The following BTBD8 variants were observed in gnomAD, a reference collection of about 807,000 sequenced individuals.
BTBD8 encodes the protein BTB domain containing 8, also known as BTB/POZ domain-containing protein 8.
BTBD8 carries 110 observed loss-of-function variants against 162.9 expected under a neutral mutation model. The ratio of observed to expected loss-of-function variants is 0.68; its 90% CI spans 0.58 to 0.79. BTBD8 has a LOEUF of 0.79. Ranked by LOEUF, BTBD8 falls within the 30% of genes least tolerant of loss-of-function variation. The pLI, the probability that BTBD8 is intolerant of heterozygous loss-of-function variation, is 0.00. For synonymous variants in BTBD8, 667 were observed against 716.1 expected (o/e 0.93, Z 1.10); for missense variants, 1,905 against 2,085.4 (o/e 0.91, Z 1.68).
intron 7 of BTBD8, among the ~76,000 whole-genome samples, chr1:92,145,773 AG>A (rs1455419813): frequency 6.6e-6 from 1 of 151,970 alleles, no homozygotes; most frequent in African/African-American, 2.4e-5. Context: ...CGAGACCAGG[AG>A]TTCAAGACCA....
intron 2 of BTBD8, among the ~76,000 whole-genome samples, chr1:92,090,887 G>A (rs1274823917): frequency 2.0e-5 from 3 of 152,160 alleles, no homozygotes; most frequent in African/African-American, 7.2e-5. Flanking sequence ...AGCTGAGATT[G>A]TGCCACTGCA....
chr1:92,158,179 T>C (rs1342731154), intron 9 of BTBD8, among the ~76,000 whole-genome samples: 1 of 152,178 alleles, frequency 6.6e-6, no homozygotes, highest in African/African-American at 2.4e-5. Context: ...TCTTGTTTTT[T>C]AATCCACTTA....
chr1:92,103,792 A>G lies in BTBD8; in HGVS notation c.544+1123A>G, dbSNP rs191232981. On this transcript the variant is annotated intron_variant, in intron 3 of 17. Transcript: ENST00000636805. ...TTTCTCAATTTTTCTGGAGTAATAC[A>G]TATCTCTAGTTTCCAAGGCATGTTT... Among the ~76,000 whole-genome samples the G allele has an allele frequency of 1.2e-3, 186 of 152,334 alleles. 3 individuals are homozygous for G. The East Asian group carries it at 0.013, about 10-fold the overall frequency.
At chr1:92,103,780 C>G (rs886580608) in intron 3 of BTBD8, among the ~76,000 whole-genome samples, 3 of 152,142 alleles carry the variant, frequency 2.0e-5, no homozygotes, top group African/African-American at 7.2e-5. Flanking sequence ...CTCAATTTTT[C>G]TGGAGTAATA....
intron 1 of BTBD8, among the ~76,000 whole-genome samples, chr1:92,081,681 C>T (rs1488470723): frequency 6.6e-6 from 1 of 152,212 alleles, no homozygotes; most frequent in Admixed American, 6.5e-5. Flanking sequence ...TCAAGCCATT[C>T]TCCTGCCTCA....
At chr1:92,088,557 A>G in intron 1 of BTBD8, 141 bp from the exon 2 acceptor site, 1 of 629,746 alleles carries the variant, frequency 1.6e-6, no homozygotes, top group Non-Finnish European at 2.4e-6. Context: ...GAATGAACTG[A>G]GAACAAACTC....
chr1:92,180,715 A>G lies in BTBD8; in HGVS notation c.3032A>G (p.Asp1011Gly), dbSNP rs570133737. The G allele has an allele frequency of 1.5e-5, 23 of 1,551,694 alleles. No homozygotes were observed. In the East Asian group the frequency reaches 5.4e-4, roughly 36 times the overall value. ...GCACTCCAGTCATCCTGCAGGCCTGACCCACAAAAGCCATTAAACGATCAA... is the reference window on the plus strand; with the variant it reads ...GCACTCCAGTCATCCTGCAGGCCTGGCCCACAAAAGCCATTAAACGATCAA... ...AEALQSSCRP[D>G]PQKPLNDQEK... The change falls in exon 17 of 18, where the codon GAC (aspartate) becomes GGC (glycine). Residue 1011 changes from aspartate (D) to glycine (G), a missense_variant. Physicochemically the swap from Asp to Gly is moderately conservative, Grantham distance 94. Around this residue, in one of 3 missense-constraint regions of BTBD8, gnomAD observed 1,374 missense variants for 1,442.7 expected, o/e 0.95. Coordinates refer to ENST00000636805, the MANE Select transcript of BTBD8 (RefSeq NM_001376131.1).
Position 92,130,565 on chromosome 1 carries a change from CACATAT to C in BTBD8, c.752+792_752+797del, listed in dbSNP as rs1557450490. Among the ~76,000 whole-genome samples the C allele has an allele frequency of 2.7e-5, 4 of 146,578 alleles. No individual in the cohort carries two copies. The Admixed American group carries it at 2.8e-4, about 10-fold the overall frequency. ...ACACACACACACACACACACACACA[CACATAT>C]ACGCACACACACATATATATACACA... is the stretch of plus-strand genomic sequence containing the variant. On this transcript the variant is annotated intron_variant, in intron 5 of 17. Coordinates refer to ENST00000636805, the MANE Select transcript of BTBD8 (RefSeq NM_001376131.1).
In BTBD8 at chr1:92,086,600, C is replaced by T. The variant is rs185815764; in HGVS notation, c.150-2098C>T. On this transcript the variant is annotated intron_variant, in intron 1 of 17. Coordinates refer to ENST00000636805, the MANE Select transcript of BTBD8 (RefSeq NM_001376131.1). ...GAGCTGAGATGGTACCATTGCACTC[C>T]AGCCTGGGCAACAGGGCAAGACTCT... is the stretch of plus-strand genomic sequence containing the variant. 5.5e-4 allele frequency among the ~76,000 whole-genome samples: 83 copies of T among 151,550 alleles called. No individual in the cohort carries two copies. In the East Asian group the frequency reaches 0.015, roughly 27 times the overall value.
intron 4 of BTBD8, chr1:92,125,652 T>C: frequency 3.2e-6 from 1 of 315,742 alleles, no homozygotes; most frequent in Admixed American, 4.0e-5. Context: ...TTAGAAAGAT[T>C]ATACCAAAAG....
At chr1:92,092,940 A>C (rs569003230) in intron 2 of BTBD8, among the ~76,000 whole-genome samples, 1 of 152,258 alleles carries the variant, frequency 6.6e-6, no homozygotes, top group Non-Finnish European at 1.5e-5. Flanking sequence ...AAGTGTATTT[A>C]TGTGATTGGC....
rs5776137 is a variant in BTBD8 at position 92,140,269 on chromosome 1, A to AC, written c.833+841dup. 8.3e-3 allele frequency among the ~76,000 whole-genome samples: 1,259 copies of AC among 150,982 alleles called. 21 individuals are homozygous for AC. Among genetic ancestry groups the AC allele is most frequent in the African/African-American group, 0.028 (1,163 of 41,064 alleles). The stretch of plus-strand genomic sequence containing the variant: ...GACCCGGTTCTTGGGGGAAAAAAAA[A>AC]CCAAAAAGAATATAGGGCATCCTAA... On this transcript the variant is annotated intron_variant, in intron 6 of 17. Coordinates refer to ENST00000636805, the MANE Select transcript of BTBD8 (RefSeq NM_001376131.1).
chr1:92,080,465 A>G lies in BTBD8; in HGVS notation c.-107A>G, dbSNP rs1647967333. On this transcript the variant is annotated 5_prime_UTR_variant, in exon 1 of 18. Transcript: ENST00000636805. ...GTCAACCTTTTACCCTAGGGGGCGG[A>G]TTTGGGTAGGAGCCGAGCGTTCGGT... The G allele has an allele frequency of 1.3e-6, 2 of 1,506,940 alleles. No homozygotes were observed. The highest frequency in any genetic ancestry group is 2.6e-5 in the South Asian group (2 of 76,218). The allele number at this position is 1,506,940 out of a possible 1,614,324, so 93.3% of individuals were successfully genotyped here.
intron 1 of BTBD8, among the ~76,000 whole-genome samples, chr1:92,080,978 C>T (rs1429551359): frequency 6.6e-6 from 1 of 152,220 alleles, no homozygotes; most frequent in Non-Finnish European, 1.5e-5. Flanking sequence ...GTGTGCAGCA[C>T]TAGTTTGCTA....
Position 92,080,862 on chromosome 1 carries a change from G to A in BTBD8, c.149+142G>A, listed in dbSNP as rs578099434. 2.3e-6 allele frequency: 3 copies of A among 1,324,750 alleles called. No homozygotes were observed. The African/African-American group carries it at 4.5e-5, about 20-fold the overall frequency. 82.1% of individuals were successfully genotyped at this position (1,324,750 alleles called of 1,614,324 possible). ...TCAGGCGACTGCGGGTCGTTAGCCA[G>A]TCTCCCCACTATTCCGAAAAGTGGC... On this transcript the variant is annotated intron_variant, in intron 1 of 17. Coordinates refer to ENST00000636805, the MANE Select transcript of BTBD8 (RefSeq NM_001376131.1).
At chr1:92,130,261 C>T (rs1649480704) in intron 5 of BTBD8, among the ~76,000 whole-genome samples, 2 of 152,152 alleles carry the variant, frequency 1.3e-5, no homozygotes, top group African/African-American at 4.8e-5. Context: ...TTCTCAGAGG[C>T]CCCATCTCTA....
intron 5 of BTBD8, 55 bp downstream of exon 5, chr1:92,129,831 A>ATT (rs1417639736): frequency 1.4e-6 from 2 of 1,430,104 alleles, no homozygotes; most frequent in Non-Finnish European, 2.0e-6. Context: ...ATTGTATTTC[A>ATT]TACAAAGCAC....
At chr1:92,110,453 C>T (rs1348484608) in intron 4 of BTBD8, among the ~76,000 whole-genome samples, 2 of 152,182 alleles carry the variant, frequency 1.3e-5, no homozygotes, top group East Asian at 3.8e-4. Context: ...GGGCTTACTA[C>T]CTGATTAGCC....
intron 9 of BTBD8, among the ~76,000 whole-genome samples, chr1:92,164,051 T>C (rs1033411724): frequency 6.6e-6 from 1 of 152,216 alleles, no homozygotes; most frequent in Non-Finnish European, 1.5e-5. Flanking sequence ...GAGCTTATTG[T>C]CTAAAACTCT....
Sources: allele counts gnomAD v4.1 joint callset (sites outside exome capture counted in the v4.1 genomes callset), GRCh38; gene constraint gnomAD v4.1.1; regional missense constraint gnomAD v4.1.1; transcripts MANE v1.5; gene names NCBI Gene and HGNC (gene_info 2026-07-23, HGNC 2026-07-21).